PXDNL: variants seen among roughly 807,000 people sequenced by gnomAD.
PXDNL encodes the protein probable oxidoreductase PXDNL.
In PXDNL, 145 loss-of-function variants were observed where a neutral mutation model predicts 150.8. That is an observed-to-expected ratio of 0.96 (90% CI 0.84 to 1.10). The LOEUF (loss-of-function observed/expected upper bound fraction) is 1.10. Ranked by LOEUF, PXDNL falls within the 50% of genes least tolerant of loss-of-function variation. PXDNL has a pLI of 0.00. For synonymous variants in PXDNL, 757 were observed against 725.7 expected (o/e 1.04, Z -0.69); for missense variants, 2,087 against 1,873.9 (o/e 1.11, Z -2.10).
chr8:51,805,813 T>A (rs921549618), intron 1 of PXDNL, among the ~76,000 whole-genome samples: 8 of 152,238 alleles, frequency 5.3e-5, no homozygotes, highest in African/African-American at 1.9e-4. Flanking sequence ...AGTCACTGAG[T>A]CCATTTCTTA....
chr8:51,676,207 G>C (rs1191930835), intron 1 of PXDNL, among the ~76,000 whole-genome samples: 1 of 151,772 alleles, frequency 6.6e-6, no homozygotes, highest in Non-Finnish European at 1.5e-5. Context: ...TAAACCCTTT[G>C]GTGCCTTCAC....
rs374027819 is a variant in PXDNL at position 51,320,770 on chromosome 8, C to T, written c.4260+14G>A. ...TGAAATGGGGAGTTGGACTGGAAAA[C>T]TCGCAGCACAAACCTCACAAATGCA... is the stretch of plus-strand genomic sequence containing the variant. On this transcript the variant is annotated intron_variant, in intron 22 of 22. Coordinates refer to ENST00000356297, the MANE Select transcript of PXDNL (RefSeq NM_144651.5). 1.0e-5 allele frequency: 16 copies of T among 1,601,674 alleles called. No individual in the cohort carries two copies. Among genetic ancestry groups the T allele is most frequent in the Admixed American group, 1.7e-5 (1 of 59,518 alleles).
intron 17 of PXDNL, among the ~76,000 whole-genome samples, chr8:51,391,660 T>G (rs1807913798): frequency 6.6e-6 from 1 of 152,210 alleles, no homozygotes. Context: ...ATGAGCAGGT[T>G]GCGAAAATTT....
chr8:51,596,512 A>G (rs1429390958), intron 2 of PXDNL, among the ~76,000 whole-genome samples: 3 of 152,186 alleles, frequency 2.0e-5, no homozygotes, highest in Non-Finnish European at 4.4e-5. Flanking sequence ...TTACTTTCCC[A>G]TCAACACTGT....
At chr8:51,731,144 GAC>G (rs1351451447) in intron 1 of PXDNL, among the ~76,000 whole-genome samples, 1 of 152,096 alleles carries the variant, frequency 6.6e-6, no homozygotes, top group Non-Finnish European at 1.5e-5. Context: ...TTTCATCAAA[GAC>G]AAGACAAGTC....
intron 1 of PXDNL, among the ~76,000 whole-genome samples, chr8:51,806,039 CA>C (rs2037671896): frequency 6.6e-6 from 1 of 152,162 alleles, no homozygotes; most frequent in African/African-American, 2.4e-5. Flanking sequence ...TCAATGGCAG[CA>C]GGCTTTTTGG....
intron 19 of PXDNL, among the ~76,000 whole-genome samples, chr8:51,365,059 G>A (rs1806871691): frequency 6.6e-6 from 1 of 152,074 alleles, no homozygotes; most frequent in South Asian, 2.1e-4. Flanking sequence ...TCTTGCCTCA[G>A]CCTCCCAAGT....
chr8:51,387,611 T>C (rs910554728), intron 17 of PXDNL, among the ~76,000 whole-genome samples: 1 of 152,224 alleles, frequency 6.6e-6, no homozygotes, highest in Non-Finnish European at 1.5e-5. Flanking sequence ...GCATACCTTT[T>C]ATTAAGGAAA....
intron 4 of PXDNL, among the ~76,000 whole-genome samples, chr8:51,540,805 C>T (rs944568997): frequency 2.0e-5 from 3 of 151,962 alleles, no homozygotes; most frequent in African/African-American, 7.3e-5. Flanking sequence ...AAAAGAGGAG[C>T]GTGGAATTTG....
intron 3 of PXDNL, among the ~76,000 whole-genome samples, chr8:51,563,994 T>C (rs1206666678): frequency 6.6e-6 from 1 of 152,024 alleles, no homozygotes; most frequent in Admixed American, 6.6e-5. Context: ...CATTTCTATA[T>C]ACACAAAATC....
At chr8:51,326,731 T>C (rs1325364718) in intron 21 of PXDNL, among the ~76,000 whole-genome samples, 1 of 152,174 alleles carries the variant, frequency 6.6e-6, no homozygotes, top group Non-Finnish European at 1.5e-5. Context: ...TGACAATGAT[T>C]GCATCATTGT....
Position 51,423,618 on chromosome 8 carries a change from A to G in PXDNL, c.1752T>C (p.Asn584=). Residue 584 remains asparagine (N), a synonymous_variant, in exon 14 of 23, where the codon AAT becomes AAC. Coordinates refer to ENST00000356297, the MANE Select transcript of PXDNL (RefSeq NM_144651.5). The part of the protein sequence containing the change: ...DQGRYECVAR[N]SFGLAVTNMF... ...TGTTGGTCACAGCAAGGCCAAAAGA[A>G]TTCCGAGCCACACATTCATATCTTC... 1 of 1,613,898 alleles carries G rather than the reference A, an allele frequency of 6.2e-7. No individual in the cohort carries two copies. The highest frequency in any genetic ancestry group is 8.5e-7 in the Non-Finnish European group (1 of 1,179,836).
chr8:51,695,592 C>G (rs1274632522), intron 1 of PXDNL, among the ~76,000 whole-genome samples: 1 of 152,158 alleles, frequency 6.6e-6, no homozygotes, highest in South Asian at 2.1e-4. Flanking sequence ...TCAGAGACAA[C>G]AATCCATAGC....
intron 4 of PXDNL, among the ~76,000 whole-genome samples, chr8:51,511,045 T>A (rs1811405883): frequency 6.6e-6 from 1 of 152,134 alleles, no homozygotes; most frequent in African/African-American, 2.4e-5. Context: ...GCGGGTCTCA[T>A]GTGAAGCAGA....
chr8:51,704,655 C>T (rs1816324033), intron 1 of PXDNL, among the ~76,000 whole-genome samples: 1 of 152,164 alleles, frequency 6.6e-6, no homozygotes, highest in Non-Finnish European at 1.5e-5. Flanking sequence ...GGTACTCAAA[C>T]TTTAATTTTA....
chr8:51,322,798 T>G (rs1369703205), intron 21 of PXDNL, among the ~76,000 whole-genome samples: 1 of 152,182 alleles, frequency 6.6e-6, no homozygotes, highest in Non-Finnish European at 1.5e-5. Context: ...TGTATTGAAG[T>G]AGGACAGGAG....
At chr8:51,369,879 C>T (rs1458038196) in intron 19 of PXDNL, among the ~76,000 whole-genome samples, 6 of 152,182 alleles carry the variant, frequency 3.9e-5, no homozygotes, top group Admixed American at 3.3e-4. Context: ...TTGCCCACAG[C>T]AGATTCATTA....
rs557965143 is a variant in PXDNL, at chr8:51,393,887, C to A, written c.3557+14180G>T. On this transcript the variant is annotated intron_variant, in intron 17 of 22. Transcript: ENST00000356297. ...ATTTTAGCCCAGCAAGACCAATTTC[C>A]GACTCCTGACCTCTGAAGTACAAGA... is the stretch of plus-strand genomic sequence containing the variant. 7.2e-5 allele frequency among the ~76,000 whole-genome samples: 11 copies of A among 152,318 alleles called. No homozygotes were observed. In the East Asian group the frequency reaches 1.5e-3, roughly 21 times the overall value.
intron 19 of PXDNL, among the ~76,000 whole-genome samples, chr8:51,346,909 C>T (rs1156628303): frequency 6.6e-6 from 1 of 152,002 alleles, no homozygotes; most frequent in African/African-American, 2.4e-5. Context: ...TTTTTTATAG[C>T]AATGCAAAAA....
Sources: allele counts gnomAD v4.1 joint callset (sites outside exome capture counted in the v4.1 genomes callset), GRCh38; gene constraint gnomAD v4.1.1; transcripts MANE v1.5; gene names NCBI Gene and HGNC (gene_info 2026-07-23, HGNC 2026-07-21).